MACF1: variants seen among roughly 807,000 people sequenced by gnomAD.
The protein encoded by MACF1 is microtubule-actin cross-linking factor 1.
MACF1 carries 193 observed loss-of-function variants against 854.8 expected under a neutral mutation model. The observed-to-expected ratio is 0.23, with a 90% CI of 0.20 to 0.25. MACF1 has a LOEUF of 0.25. MACF1 is among the 10% of genes least tolerant of loss of function. The probability of loss-of-function intolerance (pLI) is 1.00; values close to 1 mark genes in which losing one functional copy is unlikely to be tolerated. For synonymous variants in MACF1, 3,185 were observed against 3,226.7 expected, an observed-to-expected ratio of 0.99 and a Z score of 0.44; for missense variants, 7,722 against 8,929.1, an observed-to-expected ratio of 0.86 and a Z score of 5.45.
At chr1:39,099,991 C>T (rs1386214779) in intron 2 of MACF1, among the ~76,000 whole-genome samples, 1 of 151,900 alleles carries the variant, frequency 6.6e-6, no homozygotes. Context: ...TGAGGCAGGC[C>T]GACTACTTGA....
At chr1:39,405,288 T>C (rs1642655110) in intron 58 of MACF1, among the ~76,000 whole-genome samples, 1 of 152,256 alleles carries the variant, frequency 6.6e-6, no homozygotes, top group African/African-American at 2.4e-5. Context: ...CTGTGGAGTT[T>C]CTACTTGCTA....
chr1:39,181,187 C>T (rs772216652), intron 2 of MACF1, among the ~76,000 whole-genome samples: 4 of 152,216 alleles, frequency 2.6e-5, no homozygotes, highest in East Asian at 3.8e-4. Context: ...GGATTATAGG[C>T]GTGAGCCACT....
chr1:39,285,064 G>A lies in MACF1; in HGVS notation c.1132-19G>A, dbSNP rs1310054208. 6.2e-7 allele frequency: 1 copy of A among 1,613,352 alleles called. No homozygotes were observed. The highest frequency in any genetic ancestry group is 8.5e-7 in the Non-Finnish European group (1 of 1,179,488). On this transcript the variant is annotated intron_variant, in intron 11 of 100. Coordinates refer to ENST00000564288, the MANE Select transcript of MACF1 (RefSeq NM_001394062.1). ...GAGGGCATGGCTGTGTTTTTGGACT[G>A]AAAGAGTATCTGTTTCAGGTGTGGA...
chr1:39,329,087 TC>T (rs1380037455), intron 36 of MACF1, among the ~76,000 whole-genome samples: 3 of 152,262 alleles, frequency 2.0e-5, no homozygotes, highest in Non-Finnish European at 4.4e-5. Flanking sequence ...GTGAACTTTT[TC>T]CTTCAATTTC....
chr1:39,338,255 GGGTT>G (rs1454272278), intron 38 of MACF1, among the ~76,000 whole-genome samples: 2 of 36,064 alleles, frequency 5.5e-5, no homozygotes, highest in Non-Finnish European at 2.8e-4. Context: ...AAGGTTTTTT[GGGTT>G]GTTTTTTTTT....
chr1:39,305,103 TACAG>T (rs1646141628), intron 23 of MACF1, among the ~76,000 whole-genome samples: 2 of 151,366 alleles, frequency 1.3e-5, no homozygotes, highest in South Asian at 2.1e-4. Flanking sequence ...TCACTAAAAA[TACAG>T]ACAATTAGCC....
chr1:39,114,113 C>G (rs1429942548), intron 2 of MACF1, among the ~76,000 whole-genome samples: 1 of 151,204 alleles, frequency 6.6e-6, no homozygotes, highest in African/African-American at 2.4e-5. Flanking sequence ...CCTCTCTATC[C>G]CCTGCCCCTA....
intron 2 of MACF1, among the ~76,000 whole-genome samples, chr1:39,098,641 G>A (rs940682211): frequency 6.6e-6 from 1 of 152,194 alleles, no homozygotes; most frequent in African/African-American, 2.4e-5. Context: ...GCTCTGACGA[G>A]CCACGGGAGA....
intron 2 of MACF1, among the ~76,000 whole-genome samples, chr1:39,177,042 A>G (rs1644038525): frequency 6.6e-6 from 1 of 152,206 alleles, no homozygotes; most frequent in Non-Finnish European, 1.5e-5. Context: ...ATTATGTAGT[A>G]TCTCTTGAGA....
intron 2 of MACF1, among the ~76,000 whole-genome samples, chr1:39,107,810 A>G (rs1456849002): frequency 6.6e-6 from 1 of 152,212 alleles, no homozygotes; most frequent in African/African-American, 2.4e-5. Context: ...GCTGGTCACC[A>G]CATTACTTGG....
chr1:39,300,270 A>G lies in MACF1; in HGVS notation c.2542A>G (p.Lys848Glu). The change falls in exon 22 of 101, where the codon AAA (lysine) becomes GAA (glutamate). Residue 848 changes from lysine (K) to glutamate (E), a missense_variant. Coordinates refer to ENST00000564288, the MANE Select transcript of MACF1 (RefSeq NM_001394062.1). ...CGTTGCCAGTCTCGTTGGGAGATCA[A>G]AAACCATCGTTCAGCTAAAACCACG... ...SSVASLVGRS[K>E]TIVQLKPRSP... 1.2e-6 allele frequency: 2 copies of G among 1,614,138 alleles called. No individual in the cohort carries two copies. The highest frequency in any genetic ancestry group is 1.7e-6 in the Non-Finnish European group (2 of 1,180,028).
At chr1:39,388,680 CT>C in intron 58 of MACF1, 22 bp downstream of exon 58, 1 of 1,516,002 alleles carries the variant, frequency 6.6e-7, no homozygotes, top group Non-Finnish European at 8.8e-7. Context: ...CCTTGTTTTT[CT>C]TTTTCTTTTA....
intron 97 of MACF1, among the ~76,000 whole-genome samples, chr1:39,473,480 C>T (rs1644816213): frequency 6.6e-6 from 1 of 152,136 alleles, no homozygotes; most frequent in African/African-American, 2.4e-5. Context: ...ACAAATTTAA[C>T]TTTGTGGTTT....
intron 2 of MACF1, among the ~76,000 whole-genome samples, chr1:39,109,455 T>G (rs914339870): frequency 1.3e-5 from 2 of 152,088 alleles, no homozygotes; most frequent in South Asian, 4.2e-4. Flanking sequence ...ATATTTTTTT[T>G]TAGTAGAGAT....
At chr1:39,310,608 T>C (rs1646280526) in intron 25 of MACF1, among the ~76,000 whole-genome samples, 180 bp downstream of exon 25, 1 of 152,248 alleles carries the variant, frequency 6.6e-6, no homozygotes, top group African/African-American at 2.4e-5. Context: ...ATGGAAGAAG[T>C]CTGTTGATAT....
At chr1:39,412,694 CAG>C in intron 58 of MACF1, 1 of 1,613,988 alleles carries the variant, frequency 6.2e-7, no homozygotes, top group Non-Finnish European at 8.5e-7. Flanking sequence ...AATATTTTTC[CAG>C]AGAAACAAGT....
In MACF1 at chr1:39,469,491, G is replaced by A. The variant is rs1570194123; in HGVS notation, c.21890-56G>A. On this transcript the variant is annotated intron_variant, in intron 96 of 100. Transcript: ENST00000564288. ...TCTGCCAATTTGTCTTTCTTGACTA[G>A]TTTCTGCGTTTCCTGCCCTGTCTGT... 1.0e-5 allele frequency: 14 copies of A among 1,348,090 alleles called. No homozygotes were observed. In the East Asian group the frequency reaches 3.2e-4, roughly 31 times the overall value. 83.5% of individuals were successfully genotyped at this position (1,348,090 alleles called of 1,614,324 possible). A position where few individuals can be genotyped will look rare whatever the true frequency, so the allele number is the denominator to read the frequency against.
chr1:39,425,426 T>C (rs1280891431), intron 61 of MACF1, among the ~76,000 whole-genome samples: 2 of 152,322 alleles, frequency 1.3e-5, no homozygotes, highest in East Asian at 1.9e-4. Context: ...CAGAGATATT[T>C]AATTGACTCC....
chr1:39,200,699 A>C (rs1411991725), upstream of MACF1, among the ~76,000 whole-genome samples: 1 of 151,538 alleles, frequency 6.6e-6, no homozygotes, highest in Non-Finnish European at 1.5e-5. Flanking sequence ...ACTCCATCTC[A>C]GAGAAAAAAA....
Sources: allele counts gnomAD v4.1 joint callset (sites outside exome capture counted in the v4.1 genomes callset), GRCh38; gene constraint gnomAD v4.1.1; transcripts MANE v1.5; gene names NCBI Gene and HGNC (gene_info 2026-07-23, HGNC 2026-07-21).